The following PPM1B variants were observed in gnomAD, a reference collection of about 807,000 sequenced individuals.
PPM1B encodes the protein protein phosphatase, Mg2+/Mn2+ dependent 1B.
A neutral mutation model predicts 43.0 loss-of-function variants in PPM1B; 22 were observed. That is an observed-to-expected ratio of 0.51 (90% CI 0.37 to 0.73). The LOEUF (loss-of-function observed/expected upper bound fraction) is 0.73, where lower values mean the gene tolerates loss of function less well. Among genes scored for constraint, PPM1B ranks in the 30% least tolerant of loss-of-function variants. The pLI is 0.00. For missense variants in PPM1B, 632 were observed against 584.2 expected (o/e 1.08, Z -0.84); for synonymous variants, 217 against 197.9 (o/e 1.10, Z -0.81).
intron 3 of PPM1B, among the ~76,000 whole-genome samples, chr2:44,214,910 G>A (rs1353390652): frequency 1.3e-5 from 2 of 152,172 alleles, no homozygotes; most frequent in African/African-American, 2.4e-5. Flanking sequence ...TGCCTAGCAC[G>A]TAAGTCCTCA....
At chr2:44,169,619 A>T (rs1667223862) in intron 1 of PPM1B, among the ~76,000 whole-genome samples, 1 of 152,220 alleles carries the variant, frequency 6.6e-6, no homozygotes, top group African/African-American at 2.4e-5. Context: ...CACTGGGGCT[A>T]CCCCAAGCCT....
downstream of PPM1B, among the ~76,000 whole-genome samples, chr2:44,237,970 G>A (rs970473607): frequency 2.8e-4 from 42 of 152,064 alleles, no homozygotes; most frequent in Non-Finnish European, 2.1e-4. Context: ...GCACGATCTC[G>A]GCTCACTGCA....
intron 3 of PPM1B, among the ~76,000 whole-genome samples, chr2:44,214,224 T>TG (rs1308853365): frequency 6.6e-6 from 1 of 152,104 alleles, no homozygotes; most frequent in East Asian, 1.9e-4. Flanking sequence ...GGACTACAGA[T>TG]GCCCGCCACC....
At chr2:44,232,103 G>C (rs1156494285), downstream of PPM1B, among the ~76,000 whole-genome samples, 1 of 152,120 alleles carries the variant, frequency 6.6e-6, no homozygotes, top group African/African-American at 2.4e-5. Flanking sequence ...TTGATGGAGA[G>C]GGGAGGAAAA....
chr2:44,225,892 G>A (rs1402302539), intron 5 of PPM1B, among the ~76,000 whole-genome samples: 1 of 151,806 alleles, frequency 6.6e-6, no homozygotes, highest in Admixed American at 6.6e-5. Flanking sequence ...CTGAACTAAA[G>A]TGATCCACCT....
intron 1 of PPM1B, among the ~76,000 whole-genome samples, chr2:44,187,441 G>A (rs1259595179): frequency 6.6e-6 from 1 of 152,144 alleles, no homozygotes; most frequent in Non-Finnish European, 1.5e-5. Flanking sequence ...ACACAGAAGT[G>A]GCATTGCTGG....
intron 1 of PPM1B, among the ~76,000 whole-genome samples, chr2:44,174,567 C>G (rs1667492542): frequency 6.6e-6 from 1 of 152,170 alleles, no homozygotes; most frequent in Non-Finnish European, 1.5e-5. Context: ...GTTATGTTAT[C>G]AGGTAGATTC....
downstream of PPM1B, among the ~76,000 whole-genome samples, chr2:44,236,145 C>T (rs1168826797): frequency 6.6e-6 from 1 of 151,910 alleles, no homozygotes; most frequent in Non-Finnish European, 1.5e-5. Flanking sequence ...CCTGTAATCC[C>T]AGCACTTTGG....
chr2:44,178,475 T>TATATATATATATATATATA (rs1491152402), intron 1 of PPM1B, among the ~76,000 whole-genome samples: 24 of 23,912 alleles, frequency 1.0e-3, no homozygotes, highest in African/African-American at 2.3e-3. Flanking sequence ...TATATATATA[T>TATATATATATATATATATA]TTTTTTTTTT....
At chr2:44,246,641 A>G (rs1670857147), downstream of PPM1B, among the ~76,000 whole-genome samples, 1 of 152,210 alleles carries the variant, frequency 6.6e-6, no homozygotes, top group Non-Finnish European at 1.5e-5. Context: ...CAAGGATATC[A>G]TAGGATTTTA....
At chr2:44,239,406 T>C (rs978152301), downstream of PPM1B, among the ~76,000 whole-genome samples, 4 of 152,114 alleles carry the variant, frequency 2.6e-5, no homozygotes, top group Admixed American at 6.5e-5. Flanking sequence ...TCCTTTGTTA[T>C]GCGAGCTGCA....
intron 3 of PPM1B, among the ~76,000 whole-genome samples, chr2:44,211,155 A>G (rs977222992): frequency 3.3e-5 from 5 of 152,196 alleles, no homozygotes; most frequent in Admixed American, 2.6e-4. Flanking sequence ...AAATTAAGAA[A>G]TTAACGTTGA....
At chr2:44,224,203 C>T (rs756567573) in intron 5 of PPM1B, among the ~76,000 whole-genome samples, 6 of 152,082 alleles carry the variant, frequency 3.9e-5, no homozygotes, top group Admixed American at 2.6e-4. Context: ...CGCCTGTAAT[C>T]CCAACACTTT....
At chr2:44,218,790 T>C in intron 5 of PPM1B, 2 of 454,272 alleles carry the variant, frequency 4.4e-6, no homozygotes, top group Non-Finnish European at 8.3e-6. Context: ...GGGCTGTCTT[T>C]ATTTCTTCTC....
chr2:44,209,093 G>C, intron 2 of PPM1B, 117 bp from the exon 3 acceptor site: 2 of 940,544 alleles, frequency 2.1e-6, no homozygotes, highest in Non-Finnish European at 3.0e-6. Flanking sequence ...AAATGAATGT[G>C]TTAAACATAA....
At chr2:44,197,612 T>C (rs922252684) in intron 1 of PPM1B, among the ~76,000 whole-genome samples, 3 of 152,180 alleles carry the variant, frequency 2.0e-5, no homozygotes, top group African/African-American at 7.2e-5. Context: ...TTTATATAAC[T>C]ATTATTTATT....
chr2:44,183,443 G>C (rs1257263044), intron 1 of PPM1B, among the ~76,000 whole-genome samples: 1 of 152,190 alleles, frequency 6.6e-6, no homozygotes, highest in African/African-American at 2.4e-5. Context: ...CATTTAACTG[G>C]ATGGAGAGTC....
At position 44,230,757 on chromosome 2, in the gene PPM1B, T is replaced by C. The variant is rs1219242028; in HGVS notation, c.*39T>C. 14 of 1,586,078 alleles carry C rather than the reference T, an allele frequency of 8.8e-6. No homozygotes were observed. The highest frequency in any genetic ancestry group is 1.2e-5 in the Non-Finnish European group (14 of 1,164,388). On this transcript the variant is annotated 3_prime_UTR_variant, in exon 6 of 6. Transcript: ENST00000282412. ...TAATATTTTTGTGATCTTTGATGGT[T>C]TTTAACCTAGGAAGTGTAATGTATG...
intron 5 of PPM1B, among the ~76,000 whole-genome samples, chr2:44,226,056 A>T (rs764952710): frequency 1.3e-5 from 2 of 150,888 alleles, no homozygotes; most frequent in African/African-American, 2.4e-5. Flanking sequence ...GCTCACTGCA[A>T]GCTCCGTCTC....
Sources: gnomAD v4.1 joint callset for allele counts (sites outside exome capture counted in the v4.1 genomes callset) on GRCh38, gnomAD v4.1.1 for gene constraint, MANE v1.5 for transcripts, NCBI Gene and HGNC (gene_info 2026-07-23, HGNC 2026-07-21) for gene names.